PLPPR5: variants seen among roughly 807,000 people sequenced by gnomAD.
PLPPR5 encodes phospholipid phosphatase related 5.
PLPPR5 carries 16 observed loss-of-function variants against 33.9 expected under a neutral mutation model. That is an observed-to-expected ratio of 0.47 (90% CI 0.32 to 0.72). PLPPR5 has a LOEUF of 0.72. Among genes scored for constraint, PLPPR5 ranks in the 30% least tolerant of loss-of-function variants. PLPPR5 has a pLI of 0.03. For missense variants in PLPPR5, 301 were observed against 406.7 expected, an observed-to-expected ratio of 0.74 and a Z score of 2.23; for synonymous variants, 163 against 150.3, an observed-to-expected ratio of 1.08 and a Z score of -0.62.
chr1:98,988,879 A>G (rs1652352920), intron 1 of PLPPR5, among the ~76,000 whole-genome samples: 1 of 152,108 alleles, frequency 6.6e-6, no homozygotes, highest in South Asian at 2.1e-4. Context: ...TGGATTTGAC[A>G]TGCCAAACTC....
At chr1:98,940,069 G>C (rs1450439398) in intron 3 of PLPPR5, among the ~76,000 whole-genome samples, 1 of 151,864 alleles carries the variant, frequency 6.6e-6, no homozygotes, top group Non-Finnish European at 1.5e-5. Flanking sequence ...ATATGGACTG[G>C]GTTCACATGA....
chr1:98,893,483 A>G (rs7521703), intron 5 of PLPPR5, among the ~76,000 whole-genome samples: 25,599 of 151,888 alleles, frequency 0.17, 2,396 homozygotes, highest in Non-Finnish European at 0.21. Flanking sequence ...AGAATGAGAT[A>G]GTGAAATGCT....
chr1:98,897,703 C>A (rs1648531450), intron 5 of PLPPR5, among the ~76,000 whole-genome samples: 1 of 152,108 alleles, frequency 6.6e-6, no homozygotes, highest in Admixed American at 6.6e-5. Context: ...GTGGTCTTTG[C>A]AGTCAAGTCA....
At chr1:98,943,067 C>T (rs1017882370) in intron 3 of PLPPR5, among the ~76,000 whole-genome samples, 12 of 152,146 alleles carry the variant, frequency 7.9e-5, no homozygotes, top group Admixed American at 3.3e-4. Context: ...ACTTAATACA[C>T]AGAAAGTTAT....
rs1256789151 is a variant in PLPPR5 at position 98,928,773 on chromosome 1, G to A, written c.622-6715C>T. ...CCATTTTCCAGGCTGCCTGAGCTGC[G>A]TTAGGCAACATTTACCTGCATATTT... On this transcript the variant is annotated intron_variant, in intron 3 of 5. Coordinates refer to ENST00000263177, the MANE Select transcript of PLPPR5 (RefSeq NM_001037317.2). Among the ~76,000 whole-genome samples, 3 of 151,324 alleles carry A rather than the reference G, an allele frequency of 2.0e-5. No homozygotes were observed. In the East Asian group the frequency reaches 5.9e-4, roughly 30 times the overall value.
chr1:98,982,497 C>T lies in PLPPR5; in HGVS notation c.237+21938G>A, dbSNP rs796164762. 4.6e-5 allele frequency among the ~76,000 whole-genome samples: 7 copies of T among 152,190 alleles called. 1 individual carries two copies. Among genetic ancestry groups the T allele is most frequent in the African/African-American group, 1.7e-4 (7 of 41,552 alleles). ...AGTCCCTTCTGCTTTAACCTTTATA[C>T]AGAAAGTAGCTTTGAAACAACCAAT... On this transcript the variant is annotated intron_variant, in intron 1 of 5. Coordinates refer to ENST00000263177, the MANE Select transcript of PLPPR5 (RefSeq NM_001037317.2).
At chr1:98,909,545 G>T (rs1418873705) in intron 5 of PLPPR5, among the ~76,000 whole-genome samples, 1 of 151,554 alleles carries the variant, frequency 6.6e-6, no homozygotes, top group Non-Finnish European at 1.5e-5. Context: ...TGATTATTAA[G>T]GGTTTCACTG....
chr1:98,994,422 T>C (rs1652564686), intron 1 of PLPPR5, among the ~76,000 whole-genome samples: 1 of 152,154 alleles, frequency 6.6e-6, no homozygotes, highest in South Asian at 2.1e-4. Flanking sequence ...AAAAATTCAA[T>C]AGACTAGCAA....
chr1:98,986,960 A>G (rs530882239), intron 1 of PLPPR5, among the ~76,000 whole-genome samples: 18 of 151,908 alleles, frequency 1.2e-4, no homozygotes, highest in Admixed American at 2.0e-4. Flanking sequence ...TTCTTTGATT[A>G]CTTAAGAAAA....
At position 98,999,223 on chromosome 1, in the gene PLPPR5, G is replaced by C. The variant is rs528294460; in HGVS notation, c.237+5212C>G. 1.3e-3 allele frequency among the ~76,000 whole-genome samples: 198 copies of C among 152,304 alleles called. 2 individuals carry two copies. The highest frequency in any genetic ancestry group is 4.0e-4 in the Non-Finnish European group (27 of 68,024). On this transcript the variant is annotated intron_variant, in intron 1 of 5. Transcript: ENST00000263177. The stretch of plus-strand genomic sequence containing the variant: ...TTCCTGATTAATCAACACAGCCTTG[G>C]AAAGCCTAATAGGAGCTAACACGTA...
rs1648276115 is a variant in PLPPR5, at chr1:98,891,571, C to T, written c.*1501G>A. 6.6e-6 allele frequency: 1 copy of T among 151,946 alleles called. No individual in the cohort carries two copies. Among genetic ancestry groups the T allele is most frequent in the Admixed American group, 6.6e-5 (1 of 15,222 alleles). The allele number at this position is 151,946 out of a possible 1,614,324, so 9.4% of individuals were successfully genotyped here. A position where few individuals can be genotyped will look rare whatever the true frequency, so the allele number is the denominator to read the frequency against. On this transcript the variant is annotated 3_prime_UTR_variant, in exon 6 of 6. Transcript: ENST00000263177. ...ATGTAAGGTATGTCCCTTGGGCACTCTGCTGAGTGGGAGGCTGGGACCTGG... is the reference window on the plus strand; with the variant it reads ...ATGTAAGGTATGTCCCTTGGGCACTTTGCTGAGTGGGAGGCTGGGACCTGG...
chr1:98,984,110 A>T (rs903973923), intron 1 of PLPPR5, among the ~76,000 whole-genome samples: 3 of 151,964 alleles, frequency 2.0e-5, no homozygotes, highest in Non-Finnish European at 4.4e-5. Flanking sequence ...CCACAACTTG[A>T]CTGGTGGGCT....
At chr1:98,999,334 C>G (rs1039128767) in intron 1 of PLPPR5, among the ~76,000 whole-genome samples, 1 of 152,162 alleles carries the variant, frequency 6.6e-6, no homozygotes, top group Non-Finnish European at 1.5e-5. Context: ...ATATTTACCT[C>G]AATTTTACAA....
chr1:98,949,268 C>CT (rs35482227), intron 3 of PLPPR5, among the ~76,000 whole-genome samples: 43,869 of 146,750 alleles, frequency 0.3, 6,629 homozygotes, highest in African/African-American at 0.38. Flanking sequence ...AGGAATAGAG[C>CT]TTTTTTTTTT....
At chr1:98,942,023 CAT>C (rs1362013314) in intron 3 of PLPPR5, among the ~76,000 whole-genome samples, 3 of 148,638 alleles carry the variant, frequency 2.0e-5, no homozygotes, top group East Asian at 2.0e-4. Flanking sequence ...TATACGTATA[CAT>C]ATATATATAC....
intron 3 of PLPPR5, among the ~76,000 whole-genome samples, chr1:98,937,403 T>C (rs1650209521): frequency 6.6e-6 from 1 of 152,214 alleles, no homozygotes; most frequent in African/African-American, 2.4e-5. Flanking sequence ...GCCTTAGCAA[T>C]TTGCTTGTAT....
At chr1:98,894,143 CACTTAATACTAGAAAAAAACAAAATTAGT>C in intron 5 of PLPPR5, among the ~76,000 whole-genome samples, 1 of 151,996 alleles carries the variant, frequency 6.6e-6, no homozygotes, top group African/African-American at 2.4e-5. Context: ...AGGCTTGACC[CACTTAATACTAGAAAAAAACAAAATTAGT>C]ACGAATCAGG....
At chr1:98,969,384 T>C (rs1008641297) in intron 1 of PLPPR5, among the ~76,000 whole-genome samples, 1 of 151,894 alleles carries the variant, frequency 6.6e-6, no homozygotes, top group African/African-American at 2.4e-5. Flanking sequence ...AAGTTTAAAA[T>C]AAAAGAGAGC....
intron 3 of PLPPR5, among the ~76,000 whole-genome samples, chr1:98,942,947 G>C (rs1271805595): frequency 6.6e-6 from 1 of 152,092 alleles, no homozygotes; most frequent in East Asian, 1.9e-4. Context: ...TATCCATGGG[G>C]ATTACAGCAT....
Sources: gnomAD v4.1 joint callset for allele counts (sites outside exome capture counted in the v4.1 genomes callset) on GRCh38, gnomAD v4.1.1 for gene constraint, MANE v1.5 for transcripts, NCBI Gene and HGNC (gene_info 2026-07-23, HGNC 2026-07-21) for gene names.